Variants in SRMS observed in about 807,000 individuals in gnomAD.
SRMS encodes the protein src-related kinase lacking C-terminal regulatory tyrosine and N-terminal myristylation sites.
SRMS carries 42 observed loss-of-function variants against 43.5 expected under a neutral mutation model. The observed-to-expected ratio is 0.97, with a 90% CI of 0.75 to 1.25. SRMS has a LOEUF of 1.25. Among genes scored for constraint, SRMS ranks in the 50% most tolerant of loss-of-function variants. The pLI, the probability that SRMS is intolerant of heterozygous loss-of-function variation, is 0.00. For missense variants in SRMS, 703 were observed against 681.0 expected, an observed-to-expected ratio of 1.03 and a Z score of -0.36; for synonymous variants, 316 against 308.2, an observed-to-expected ratio of 1.03 and a Z score of -0.27.
At position 63,539,078 on chromosome 20, in the gene SRMS, GA is replaced by G. The variant is rs2145980997; in HGVS notation, c.*1739del. Among the ~76,000 whole-genome samples the G allele has an allele frequency of 6.6e-6, 1 of 152,254 alleles. No individual in the cohort carries two copies. Among genetic ancestry groups the G allele is most frequent in the South Asian group, 2.1e-4 (1 of 4,834 alleles). ...AGGCTGCTGTGCTGGGGACCTGCCA[GA>G]ACTGGAAGCTCAGCTCAAGGCCTCA... On this transcript the variant is annotated 3_prime_UTR_variant, in exon 8 of 8. Coordinates refer to ENST00000217188, the MANE Select transcript of SRMS (RefSeq NM_080823.4).
Position 63,547,119 on chromosome 20 carries a change from G to C in SRMS, c.345C>G (p.Leu115=), listed in dbSNP as rs2082736170. ...GCCGAGGTACTCACGGTTGGTCTGA[G>C]AGCGTCTCAGGAGAAGCCTTGGCCA... ...THVAKASPET[L]SDQPWYFSGV... The change falls in exon 1 of 8, where the codon CTC becomes CTG. Residue 115 remains leucine, a synonymous_variant. Coordinates refer to ENST00000217188, the MANE Select transcript of SRMS (RefSeq NM_080823.4). 1 of 1,584,238 alleles carries C rather than the reference G, an allele frequency of 6.3e-7. No individual in the cohort carries two copies. Among genetic ancestry groups the C allele is most frequent in the Non-Finnish European group, 8.6e-7 (1 of 1,162,336 alleles).
intron 3 of SRMS, 113 bp downstream of exon 3, chr20:63,543,200 CT>C (rs1022542007): frequency 1.5e-6 from 2 of 1,329,286 alleles, no homozygotes; most frequent in African/African-American, 2.9e-5. Context: ...GGGCAGGGCC[CT>C]GGAGCTGCGC....
chr20:63,539,336 C>T lies in SRMS; in HGVS notation c.*1482G>A, dbSNP rs940447383. Among the ~76,000 whole-genome samples, 20 of 152,262 alleles carry T rather than the reference C, an allele frequency of 1.3e-4. No individual in the cohort carries two copies. The highest frequency in any genetic ancestry group is 1.2e-3 in the Admixed American group (18 of 15,290). On this transcript the variant is annotated 3_prime_UTR_variant, in exon 8 of 8. Coordinates refer to ENST00000217188, the MANE Select transcript of SRMS (RefSeq NM_080823.4). Reference sequence around the variant, plus strand: ...GCCTCCGAGTGGCCTCTTCCTTCCCCGGGGCCACCTGTCTCTGCACACGGG... The same window carrying T: ...GCCTCCGAGTGGCCTCTTCCTTCCCTGGGGCCACCTGTCTCTGCACACGGG...
intron 3 of SRMS, among the ~76,000 whole-genome samples, chr20:63,542,857 A>G (rs565937064): frequency 1.1e-3 from 169 of 152,288 alleles, no homozygotes; most frequent in South Asian, 6.6e-3. Context: ...TCATTATGAG[A>G]CCAGAGAAAC....
At position 63,547,377 on chromosome 20, in the gene SRMS, G is replaced by T. The variant is rs752738323; in HGVS notation, c.87C>A (p.Gly29=). 1.1e-5 allele frequency: 17 copies of T among 1,570,702 alleles called. No homozygotes were observed. The Admixed American group carries it at 3.2e-4, about 30-fold the overall frequency. Residue 29 remains glycine (G), a synonymous_variant, in exon 1 of 8, where the codon GGC becomes GGA. Transcript: ENST00000217188. Reference sequence around the variant, plus strand: ...TGTTGGGGTCCAGGGACCCGGGGGTGCCATGGTCCGGCTCGCCGCCCGCCG... The same window carrying T: ...TGTTGGGGTCCAGGGACCCGGGGGTTCCATGGTCCGGCTCGCCGCCCGCCG... ...IWPAGGEPDH[G]TPGSLDPNTD... is the part of the protein sequence containing the mutation.
At chr20:63,544,403 C>T (rs1027253180) in intron 1 of SRMS, 55 bp from the exon 2 acceptor site, 3 of 1,419,774 alleles carry the variant, frequency 2.1e-6, no homozygotes, top group African/African-American at 1.5e-5. Context: ...AGTGGCCCCA[C>T]ATGCTCTCCT....
intron 1 of SRMS, 94 bp downstream of exon 1, chr20:63,547,014 C>T (rs538273755): frequency 3.1e-5 from 35 of 1,144,228 alleles, no homozygotes; most frequent in Non-Finnish European, 3.9e-5. Flanking sequence ...CAGATAGCCA[C>T]GGACATGCGA....
intron 2 of SRMS, among the ~76,000 whole-genome samples, chr20:63,543,947 C>T (rs113464633): frequency 3.3e-5 from 5 of 151,496 alleles, no homozygotes; most frequent in African/African-American, 7.3e-5. Flanking sequence ...GAGGAATGAA[C>T]GAGTGAATGA....
In SRMS at chr20:63,539,115, G is replaced by T. The variant is rs1330715897; in HGVS notation, c.*1703C>A. 6.6e-6 allele frequency among the ~76,000 whole-genome samples: 1 copy of T among 152,170 alleles called. No homozygotes were observed. Among genetic ancestry groups the T allele is most frequent in the Admixed American group, 6.5e-5 (1 of 15,280 alleles). On this transcript the variant is annotated 3_prime_UTR_variant, in exon 8 of 8. Coordinates refer to ENST00000217188, the MANE Select transcript of SRMS (RefSeq NM_080823.4). ...CAGCTCAAGGCCTCAGTGGGCCCAG[G>T]TACCAGAACCAGCCCCTCCCCTAGG...
chr20:63,542,445 TTGA>T lies in SRMS; in HGVS notation c.779_781del (p.Ile260del), dbSNP rs2082710237. ...GCAGGATCTCGGGGCCTCACCTGAC[TTGA>T]TGACCTTGATCGCCACGGGCAGGGA... On this transcript the variant is annotated inframe_deletion, in exon 4 of 8. Coordinates refer to ENST00000217188, the MANE Select transcript of SRMS (RefSeq NM_080823.4). The T allele has an allele frequency of 1.2e-6, 2 of 1,611,506 alleles. No homozygotes were observed. Among genetic ancestry groups the T allele is most frequent in the Non-Finnish European group, 1.7e-6 (2 of 1,179,252 alleles).
At position 63,544,349 on chromosome 20, in the gene SRMS, C is replaced by T. The variant is rs867446153; in HGVS notation, c.357-1G>A. On this transcript the variant is annotated splice_acceptor_variant, in intron 1 of 7. Transcript: ENST00000217188. LOFTEE classifies it high-confidence loss of function. Reference sequence around the variant, plus strand: ...CCGACTGACCCCGCTAAAGTACCAGCTGCAAACAGCAGGTGCGGCAGTCAC... The same window carrying T: ...CCGACTGACCCCGCTAAAGTACCAGTTGCAAACAGCAGGTGCGGCAGTCAC... The T allele has an allele frequency of 6.8e-7, 1 of 1,468,052 alleles. No individual in the cohort carries two copies. The highest frequency in any genetic ancestry group is 9.0e-7 in the Non-Finnish European group (1 of 1,111,572). 90.9% of individuals were successfully genotyped at this position (1,468,052 alleles called of 1,614,324 possible).
Position 63,541,027 on chromosome 20 carries a change from C to T in SRMS, c.1286-28G>A, listed in dbSNP as rs557057229. The T allele has an allele frequency of 2.3e-4, 373 of 1,606,926 alleles. 10 individuals carry two copies. The South Asian group carries it at 3.9e-3, about 17-fold the overall frequency. Reference sequence around the variant, plus strand: ...GGGAGGCGCGGGGCAAGAGCTGCCTCGATTCTGCCTGGGGGTCCCTATGGA... The same window carrying T: ...GGGAGGCGCGGGGCAAGAGCTGCCTTGATTCTGCCTGGGGGTCCCTATGGA... On this transcript the variant is annotated intron_variant, in intron 7 of 7. Transcript: ENST00000217188.
Position 63,540,730 on chromosome 20 carries a change from C to T in SRMS, c.*88G>A, listed in dbSNP as rs1041817033. 12 of 1,473,830 alleles carry T rather than the reference C, an allele frequency of 8.1e-6. No individual in the cohort carries two copies. Among genetic ancestry groups the T allele is most frequent in the Middle Eastern group, 4.1e-4 (2 of 4,914 alleles). 91.3% of individuals were successfully genotyped at this position (1,473,830 alleles called of 1,614,324 possible). ...GCCCACAGCCAGAGGCTCCTCGGTC[C>T]GGCAGACCGGCATCCCTTCGAGTTG... On this transcript the variant is annotated 3_prime_UTR_variant, in exon 8 of 8. Coordinates refer to ENST00000217188, the MANE Select transcript of SRMS (RefSeq NM_080823.4).
In SRMS at chr20:63,547,402, G is replaced by C. The variant is rs564747393; in HGVS notation, c.62C>G (p.Pro21Arg). ...GCCATGGTCCGGCTCGCCGCCCGCCGGCCAGATCTTGTCCCAGAAGAAGGA... is the reference window on the plus strand; with the variant it reads ...GCCATGGTCCGGCTCGCCGCCCGCCCGCCAGATCTTGTCCCAGAAGAAGGA... The part of the protein sequence containing the change: ...FLSFFWDKIW[P>R]AGGEPDHGTP... Residue 21 changes from proline (P) to arginine (R), a missense_variant, in exon 1 of 8, where the codon CCG becomes CGG. Pro to Arg is a moderately radical substitution (Grantham distance 103). Coordinates refer to ENST00000217188, the MANE Select transcript of SRMS (RefSeq NM_080823.4). The C allele has an allele frequency of 6.4e-7, 1 of 1,556,018 alleles. No homozygotes were observed. The highest frequency in any genetic ancestry group is 8.7e-7 in the Non-Finnish European group (1 of 1,149,406).
intron 7 of SRMS, 79 bp downstream of exon 7, chr20:63,541,112 T>C (rs2145982365): frequency 6.4e-7 from 1 of 1,561,882 alleles, no homozygotes. Context: ...CTCCAACCCC[T>C]TGCCGACAGC....
In SRMS at chr20:63,543,452, G is replaced by A. The variant is rs201962384; in HGVS notation, c.507C>T (p.Tyr169=). ...TGCCATCAGCTGCCATGGAGACCCG[G>A]TAGTGGCAGACCTTGGCCTGGGCCC... ...SVRAQAKVCH[Y]RVSMAADGSL... Residue 169 remains tyrosine, a synonymous_variant, in exon 3 of 8, where the codon TAC becomes TAT. Transcript: ENST00000217188. The A allele has an allele frequency of 2.2e-4, 357 of 1,612,824 alleles. 2 individuals carry two copies. In the East Asian group the frequency reaches 3.0e-3, roughly 14 times the overall value.
In SRMS at chr20:63,544,230, A is replaced by G; in HGVS notation, c.475T>C (p.Ser159Pro). Reference sequence around the variant, plus strand: ...CAGGAGGGGCCGCCCCAGGTACCTGACAGTGAGTAGCCCCCGAGGCTGCTC... The same window carrying G: ...CAGGAGGGGCCGCCCCAGGTACCTGGCAGTGAGTAGCCCCCGAGGCTGCTC... ...SESSLGGYSL[S>P]VRAQAKVCHY... The change falls in exon 2 of 8, where the codon TCA (serine) becomes CCA (proline). Residue 159 changes from serine to proline, a missense_variant. Transcript: ENST00000217188. 1 of 1,456,994 alleles carries G rather than the reference A, an allele frequency of 6.9e-7. No individual in the cohort carries two copies. The highest frequency in any genetic ancestry group is 2.8e-5 in the Admixed American group (1 of 35,396). 90.3% of individuals were successfully genotyped at this position (1,456,994 alleles called of 1,614,324 possible). A position where few individuals can be genotyped will look rare whatever the true frequency, so the allele number is the denominator to read the frequency against.
intron 6 of SRMS, 21 bp downstream of exon 6, chr20:63,541,418 G>A: frequency 6.3e-7 from 1 of 1,580,114 alleles, no homozygotes; most frequent in Non-Finnish European, 8.6e-7. Flanking sequence ...TCTGGGTCAG[G>A]GGCCCAGAGC....
chr20:63,541,101 C>T (rs1308796713), intron 7 of SRMS, 90 bp downstream of exon 7: 3 of 1,566,902 alleles, frequency 1.9e-6, no homozygotes, highest in Admixed American at 2.0e-5. Context: ...TTGGCCAGAC[C>T]CTCCAACCCC....
Sources: gnomAD v4.1 joint callset for allele counts (sites outside exome capture counted in the v4.1 genomes callset) on GRCh38, gnomAD v4.1.1 for gene constraint, MANE v1.5 for transcripts, NCBI Gene and HGNC (gene_info 2026-07-23, HGNC 2026-07-21) for gene names.